The following PIAS1 variants were observed in gnomAD, a reference collection of about 807,000 sequenced individuals.
The protein encoded by PIAS1 is E3 SUMO-protein ligase PIAS1.
A neutral mutation model predicts 71.3 loss-of-function variants in PIAS1; 6 were observed. The observed-to-expected ratio is 0.08, with a 90% CI of 0.05 to 0.17. The LOEUF (loss-of-function observed/expected upper bound fraction) is 0.17, where lower values mean the gene tolerates loss of function less well. Among genes scored for constraint, PIAS1 ranks in the 10% least tolerant of loss-of-function variants. PIAS1 has a pLI of 1.00. For missense variants in PIAS1, 555 were observed against 793.6 expected, an observed-to-expected ratio of 0.70 and a Z score of 3.61; for synonymous variants, 303 against 292.9, an observed-to-expected ratio of 1.03 and a Z score of -0.35.
chr15:68,146,752 T>G, intron 6 of PIAS1, 52 bp downstream of exon 6: 3 of 1,265,462 alleles, frequency 2.4e-6, no homozygotes, highest in Non-Finnish European at 3.4e-6. Context: ...GAGGGGTTAA[T>G]CACCATGCCT....
At position 68,059,686 on chromosome 15, in the gene PIAS1, A is replaced by G. The variant is rs560541871; in HGVS notation, c.24+5336A>G. On this transcript the variant is annotated intron_variant, in intron 1 of 13. Coordinates refer to ENST00000249636, the MANE Select transcript of PIAS1 (RefSeq NM_016166.3). Reference sequence around the variant, plus strand: ...GCGCCACCGGACTCCAGCCTGGGCTACAGTGTGAGATTCCGTCTCAAACAA... The same window carrying G: ...GCGCCACCGGACTCCAGCCTGGGCTGCAGTGTGAGATTCCGTCTCAAACAA... Among the ~76,000 whole-genome samples, 250 of 150,132 alleles carry G rather than the reference A, an allele frequency of 1.7e-3. 2 individuals are homozygous for G. The highest frequency in any genetic ancestry group is 2.8e-3 in the Non-Finnish European group (186 of 67,602).
At chr15:68,153,441 A>G (rs2092863510) in intron 6 of PIAS1, 149 bp from the exon 7 acceptor site, 1 of 521,220 alleles carries the variant, frequency 1.9e-6, no homozygotes, top group Non-Finnish European at 3.4e-6. Context: ...GATTAAATGA[A>G]TTACTGTTCA....
At chr15:68,093,432 G>A (rs1192625852) in intron 2 of PIAS1, among the ~76,000 whole-genome samples, 5 of 152,248 alleles carry the variant, frequency 3.3e-5, no homozygotes, top group Non-Finnish European at 7.3e-5. Context: ...TAGCTTGGTA[G>A]GGCATTGGTC....
At chr15:68,110,469 G>C (rs6494712) in intron 2 of PIAS1, among the ~76,000 whole-genome samples, 1 of 152,038 alleles carries the variant, frequency 6.6e-6, no homozygotes, top group Non-Finnish European at 1.5e-5. Context: ...GGTGGCGGGT[G>C]CCTGTAATCC....
chr15:68,149,817 CT>C (rs1335790996), intron 6 of PIAS1, among the ~76,000 whole-genome samples: 1 of 151,980 alleles, frequency 6.6e-6, no homozygotes, highest in African/African-American at 2.4e-5. Flanking sequence ...TACCCTAATA[CT>C]TTTGTCATTT....
rs1382097566 is a variant in PIAS1, at chr15:68,176,632, A to T, written c.1459A>T (p.Thr487Ser). 12 of 1,597,396 alleles carry T rather than the reference A, an allele frequency of 7.5e-6. No homozygotes were observed. Among genetic ancestry groups the T allele is most frequent in the Non-Finnish European group, 9.4e-6 (11 of 1,173,832 alleles). The stretch of plus-strand genomic sequence containing the variant: ...GAGGACCTGTCCTTCCCTATCTCCC[A>T]CATCACCACTAAATAATAAAGGGTA... The part of the protein sequence containing the change: ...AKRTCPSLSP[T>S]SPLNNKGILS... Residue 487 changes from threonine (T) to serine (S), a missense_variant, in exon 11 of 14, where the codon ACA becomes TCA. Physicochemically the swap from Thr to Ser is moderately conservative, Grantham distance 58. Coordinates refer to ENST00000249636, the MANE Select transcript of PIAS1 (RefSeq NM_016166.3).
chr15:68,102,151 G>A (rs2092432379), intron 2 of PIAS1, among the ~76,000 whole-genome samples: 1 of 152,098 alleles, frequency 6.6e-6, no homozygotes, highest in African/African-American at 2.4e-5. Context: ...TTTTTATAAG[G>A]TGTGAGATTG....
intron 1 of PIAS1, among the ~76,000 whole-genome samples, chr15:68,085,832 G>T (rs1238412912): frequency 6.6e-6 from 1 of 152,158 alleles, no homozygotes; most frequent in Non-Finnish European, 1.5e-5. Flanking sequence ...CTTGATAATA[G>T]CTATTGATAT....
intron 2 of PIAS1, among the ~76,000 whole-genome samples, chr15:68,088,476 A>G (rs2092306210): frequency 6.6e-6 from 1 of 152,186 alleles, no homozygotes; most frequent in Non-Finnish European, 1.5e-5. Context: ...TTTCATGAAT[A>G]AATCTGCTGT....
At chr15:68,081,255 A>G (rs1033038466) in intron 1 of PIAS1, among the ~76,000 whole-genome samples, 3 of 152,352 alleles carry the variant, frequency 2.0e-5, no homozygotes, top group Admixed American at 1.3e-4. Context: ...TTAGAACACT[A>G]GAAGCCAGCC....
At position 68,072,751 on chromosome 15, in the gene PIAS1, A is replaced by G. The variant is rs774905968; in HGVS notation, c.25-13555A>G. Among the ~76,000 whole-genome samples the G allele has an allele frequency of 1.2e-3, 177 of 152,194 alleles. 3 individuals are homozygous for G. Among genetic ancestry groups the G allele is most frequent in the Admixed American group, 0.011 (170 of 15,284 alleles). ...ATAAAACAGCCTCTAAATTGGTATC[A>G]TATCTTACATCCCTTTTCAAATTAT... On this transcript the variant is annotated intron_variant, in intron 1 of 13. Coordinates refer to ENST00000249636, the MANE Select transcript of PIAS1 (RefSeq NM_016166.3).
intron 5 of PIAS1, among the ~76,000 whole-genome samples, chr15:68,146,280 C>T (rs2092807415): frequency 6.6e-6 from 1 of 152,150 alleles, no homozygotes; most frequent in Non-Finnish European, 1.5e-5. Flanking sequence ...TGAAATACTA[C>T]TACTCATGTA....
intron 6 of PIAS1, among the ~76,000 whole-genome samples, chr15:68,148,015 A>G (rs2092820184): frequency 6.6e-6 from 1 of 152,184 alleles, no homozygotes; most frequent in Admixed American, 6.5e-5. Flanking sequence ...TGGCAGTACC[A>G]TAGGGAGGGA....
At chr15:68,128,515 G>C (rs1356066341) in intron 2 of PIAS1, among the ~76,000 whole-genome samples, 1 of 152,130 alleles carries the variant, frequency 6.6e-6, no homozygotes, top group African/African-American at 2.4e-5. Context: ...TGTTGGCTAG[G>C]GTGTGGTTTT....
chr15:68,055,496 A>AG (rs1270815717), intron 1 of PIAS1, among the ~76,000 whole-genome samples: 1 of 151,772 alleles, frequency 6.6e-6, no homozygotes, highest in Admixed American at 6.6e-5. Context: ...CAGTTGGGGG[A>AG]GGGGGTGGTG....
At chr15:68,168,885 GT>G (rs1202824171) in intron 8 of PIAS1, among the ~76,000 whole-genome samples, 1 of 152,200 alleles carries the variant, frequency 6.6e-6, no homozygotes, top group Non-Finnish European at 1.5e-5. Context: ...AGGCTTGAGA[GT>G]TGCTCTCTTG....
At chr15:68,183,876 C>A (rs2093071112) in intron 13 of PIAS1, among the ~76,000 whole-genome samples, 1 of 152,088 alleles carries the variant, frequency 6.6e-6, no homozygotes, top group African/African-American at 2.4e-5. Flanking sequence ...TGTGAACAAA[C>A]CTATGCTGTC....
At chr15:68,079,494 T>A (rs923728763) in intron 1 of PIAS1, among the ~76,000 whole-genome samples, 2 of 152,162 alleles carry the variant, frequency 1.3e-5, no homozygotes, top group East Asian at 3.8e-4. Flanking sequence ...TGAGACAGTG[T>A]CTCACTCTGT....
chr15:68,092,422 C>A (rs555691887), intron 2 of PIAS1, among the ~76,000 whole-genome samples: 7 of 152,138 alleles, frequency 4.6e-5, no homozygotes. Flanking sequence ...GTCCGCTCAC[C>A]TCAGCCTCTC....
Sources: gnomAD v4.1 joint callset for allele counts (sites outside exome capture counted in the v4.1 genomes callset) on GRCh38, gnomAD v4.1.1 for gene constraint, MANE v1.5 for transcripts, NCBI Gene and HGNC (gene_info 2026-07-23, HGNC 2026-07-21) for gene names.